Variants in NFASC observed in about 807,000 individuals in gnomAD.
NFASC encodes neurofascin homolog.
NFASC carries 43 observed loss-of-function variants against 147.5 expected under a neutral mutation model. The observed-to-expected ratio is 0.29, with a 90% CI of 0.23 to 0.38. The LOEUF is 0.38. NFASC is among the 10% of genes least tolerant of loss of function. The pLI is 1.00. For synonymous variants in NFASC, 622 were observed against 665.5 expected (o/e 0.93, Z 1.01); for missense variants, 1,320 against 1,689.0 (o/e 0.78, Z 3.83).
rs755506423 is a variant in NFASC, at chr1:204,906,926, G to A, written c.-199-13706G>A. Among the ~76,000 whole-genome samples the A allele has an allele frequency of 1.6e-4, 24 of 152,166 alleles. No individual in the cohort carries two copies. The East Asian group carries it at 1.9e-3, about 12-fold the overall frequency. Reference sequence around the variant, plus strand: ...TCTGCATCTCCTGACCTTGTGATCCGCCCGCCTTGGCCTCCCAAAGTGCTG... The same window carrying A: ...TCTGCATCTCCTGACCTTGTGATCCACCCGCCTTGGCCTCCCAAAGTGCTG... On this transcript the variant is annotated intron_variant, in intron 1 of 29. Transcript: ENST00000339876.
intron 1 of NFASC, among the ~76,000 whole-genome samples, chr1:204,861,180 C>T (rs187306676): frequency 1.0e-3 from 148 of 146,722 alleles, no homozygotes; most frequent in African/African-American, 3.7e-3. Flanking sequence ...CTTTGACCTC[C>T]TGGGCACAAG....
intron 25 of NFASC, 40 bp from the exon 26 acceptor site, chr1:205,001,130 C>T: frequency 8.3e-7 from 1 of 1,208,078 alleles, no homozygotes; most frequent in Non-Finnish European, 1.2e-6. Context: ...TGGTGCCACT[C>T]CCTCCTCATC....
intron 27 of NFASC, 114 bp from the exon 28 acceptor site, chr1:205,009,443 T>G: frequency 8.6e-7 from 1 of 1,168,302 alleles, no homozygotes; most frequent in East Asian, 2.3e-5. Flanking sequence ...GTGGTAGTGT[T>G]AGGCTCCAGG....
At position 205,016,683 on chromosome 1, in the gene NFASC, A is replaced by G; in HGVS notation, c.*144A>G. Reference sequence around the variant, plus strand: ...GGGGGTCTGCCAAGCTGTGAGGACCAGTAGCCACCAAGCCACCCACAAGCC... The same window carrying G: ...GGGGGTCTGCCAAGCTGTGAGGACCGGTAGCCACCAAGCCACCCACAAGCC... On this transcript the variant is annotated 3_prime_UTR_variant, in exon 30 of 30. Transcript: ENST00000339876. This position sits in a 1 kb window ranked among gnomAD's most constrained non-coding sequence, Gnocchi z 5.1. The G allele has an allele frequency of 1.4e-6, 1 of 711,492 alleles. No homozygotes were observed. Among genetic ancestry groups the G allele is most frequent in the Non-Finnish European group, 2.5e-6 (1 of 395,172 alleles). The allele number at this position is 711,492 out of a possible 1,614,324, so 44.1% of individuals were successfully genotyped here. A position where few individuals can be genotyped will look rare whatever the true frequency, so the allele number is the denominator to read the frequency against.
In NFASC at chr1:204,987,572, A is replaced by G. The variant is rs1203601785; in HGVS notation, c.2593+32A>G. The G allele has an allele frequency of 6.2e-7, 1 of 1,612,662 alleles. No individual in the cohort carries two copies. On this transcript the variant is annotated intron_variant, in intron 22 of 29. Transcript: ENST00000339876. The surrounding 1 kb of genome is among the most constrained non-coding windows in gnomAD (Gnocchi z 4.4). ...TCTGCCCTTCCCTTTCTCTTAGATA[A>G]TCTGGGAACCAGAAACCCCATTCTC... is the stretch of plus-strand genomic sequence containing the variant.
chr1:204,979,039 C>A lies in NFASC; in HGVS notation c.1948C>A (p.Pro650Thr). Residue 650 changes from proline (P) to threonine (T), a missense_variant, in exon 18 of 30, where the codon CCC becomes ACC. By Grantham distance (38) the Pro-to-Thr change is conservative. This residue lies in a region of NFASC where 981 missense variants were observed against 1,289.5 expected (regional missense o/e 0.76). Transcript: ENST00000339876. The surrounding 1 kb of genome is among the most constrained non-coding windows in gnomAD (Gnocchi z 6.0). ...GAGGAGCGTGCGGCTGACCTGGATC[C>A]CCGGGGATGCTAACAACAGCCCCAT... ...AERSVRLTWI[P>T]GDANNSPITD... The A allele has an allele frequency of 6.4e-7, 1 of 1,564,376 alleles. No individual in the cohort carries two copies.
intron 2 of NFASC, among the ~76,000 whole-genome samples, chr1:204,927,342 G>A (rs1040495032): frequency 1.3e-5 from 2 of 152,126 alleles, no homozygotes; most frequent in African/African-American, 4.8e-5. Context: ...CGGTCTTTGT[G>A]TCTGGCTTCT....
chr1:204,841,440 A>G (rs1194041855), intron 1 of NFASC, among the ~76,000 whole-genome samples: 1 of 152,200 alleles, frequency 6.6e-6, no homozygotes, highest in East Asian at 1.9e-4. Context: ...GAGTCTGAGT[A>G]TCACAGAGAT....
At chr1:204,834,470 C>A (rs763540220) in intron 1 of NFASC, among the ~76,000 whole-genome samples, 7 of 152,202 alleles carry the variant, frequency 4.6e-5, no homozygotes, top group Non-Finnish European at 7.3e-5. Flanking sequence ...CCGGCTCCTG[C>A]TGCTCTCTTC....
chr1:204,937,853 C>T (rs949424936), intron 2 of NFASC, among the ~76,000 whole-genome samples: 8 of 152,184 alleles, frequency 5.3e-5, no homozygotes, highest in African/African-American at 1.9e-4. Flanking sequence ...GATGGAAGCT[C>T]CATGAGAGTA....
In NFASC at chr1:204,968,908, A is replaced by G. The variant is rs747068182; in HGVS notation, c.929A>G (p.Asp310Gly). 1 of 1,613,404 alleles carries G rather than the reference A, an allele frequency of 6.2e-7. No homozygotes were observed. Among genetic ancestry groups the G allele is most frequent in the Admixed American group, 1.7e-5 (1 of 59,960 alleles). Reference protein sequence around the residue: ...ALRITNVSEEDSGEYFCLASN... With the variant: ...ALRITNVSEEGSGEYFCLASN... ...CGTATCACAAATGTCTCTGAGGAAG[A>G]CTCCGGGGAGTATTTCTGCCTGGCC... Residue 310 changes from aspartate to glycine, a missense_variant, in exon 10 of 30, where the codon GAC (aspartate) becomes GGC (glycine). Physicochemically the swap from Asp to Gly is moderately conservative, Grantham distance 94 (BLOSUM62 -1). Around this residue, in one of 3 missense-constraint regions of NFASC, gnomAD observed 981 missense variants for 1,289.5 expected, o/e 0.76. Coordinates refer to ENST00000339876, the MANE Select transcript of NFASC (RefSeq NM_001005388.3). This position sits in a 1 kb window ranked among gnomAD's most constrained non-coding sequence, Gnocchi z 5.4.
chr1:204,900,502 A>G (rs926482414), intron 1 of NFASC, among the ~76,000 whole-genome samples: 5 of 152,234 alleles, frequency 3.3e-5, no homozygotes, highest in African/African-American at 1.2e-4. Flanking sequence ...TAGACTGAAC[A>G]CTATTCTAAA....
At chr1:204,892,570 C>T (rs772579618) in intron 1 of NFASC, among the ~76,000 whole-genome samples, 3 of 152,132 alleles carry the variant, frequency 2.0e-5, no homozygotes, top group Non-Finnish European at 1.5e-5. Flanking sequence ...AGCCACTAGC[C>T]CATGTGACTA....
intron 1 of NFASC, among the ~76,000 whole-genome samples, chr1:204,875,372 G>A (rs902707045): frequency 2.0e-5 from 3 of 152,146 alleles, no homozygotes; most frequent in Admixed American, 1.3e-4. Context: ...GGTTAGACCA[G>A]GAGCCTGGCA....
At chr1:204,943,083 A>C (rs2093471972) in intron 2 of NFASC, among the ~76,000 whole-genome samples, 1 of 152,192 alleles carries the variant, frequency 6.6e-6, no homozygotes, top group Admixed American at 6.5e-5. Context: ...GCTGCCGAAT[A>C]AAATAGGAGC....
intron 1 of NFASC, among the ~76,000 whole-genome samples, chr1:204,876,996 G>GTATATATATATATATATATATA (rs60582969): frequency 1.3e-5 from 1 of 74,682 alleles, no homozygotes; most frequent in African/African-American, 5.8e-5. Flanking sequence ...GGCTAAATAT[G>GTATATATATATATATATATATA]TATATATATA....
rs776568891 is a variant in NFASC, at chr1:204,975,257, G to T, written c.1559-14G>T. On this transcript the variant is annotated splice_polypyrimidine_tract_variant and intron_variant, in intron 14 of 29. Transcript: ENST00000339876. The surrounding 1 kb of genome is among the most constrained non-coding windows in gnomAD (Gnocchi z 4.0). Reference sequence around the variant, plus strand: ...AGAACAGGCCAGTGGCGAGTGCTCTGGGCTTCTCCACAGACCCCACCAGGA... The same window carrying T: ...AGAACAGGCCAGTGGCGAGTGCTCTTGGCTTCTCCACAGACCCCACCAGGA... 6.2e-7 allele frequency: 1 copy of T among 1,603,316 alleles called. No individual in the cohort carries two copies. Among genetic ancestry groups the T allele is most frequent in the South Asian group, 1.1e-5 (1 of 90,394 alleles).
chr1:205,009,750 C>T (rs1413463528), intron 28 of NFASC, 62 bp downstream of exon 28: 2 of 1,548,170 alleles, frequency 1.3e-6, no homozygotes, highest in African/African-American at 2.7e-5. Context: ...CGTGAGTCTC[C>T]AGGTCTCCAG....
intron 29 of NFASC, among the ~76,000 whole-genome samples, chr1:205,013,077 G>A (rs964513841): frequency 2.6e-5 from 4 of 152,246 alleles, no homozygotes; most frequent in Non-Finnish European, 2.9e-5. Context: ...AGTGCCAGAC[G>A]AGGCTGCTCC....
Sources: gnomAD v4.1 joint callset for allele counts (sites outside exome capture counted in the v4.1 genomes callset) on GRCh38, gnomAD v4.1.1 for gene constraint, gnomAD v4.1.1 regional missense constraint, Gnocchi (gnomAD v3.1) non-coding constraint, MANE v1.5 for transcripts, NCBI Gene and HGNC (gene_info 2026-07-23, HGNC 2026-07-21) for gene names.